Variants in PRKAR1B observed in about 807,000 individuals in gnomAD.
PRKAR1B encodes protein kinase cAMP-dependent type I regulatory subunit beta.
PRKAR1B carries 22 observed loss-of-function variants against 46.5 expected under a neutral mutation model. That is an observed-to-expected ratio of 0.47 (90% CI 0.34 to 0.68). The LOEUF (loss-of-function observed/expected upper bound fraction) is 0.68. Among genes scored for constraint, PRKAR1B ranks in the 30% least tolerant of loss-of-function variants. PRKAR1B has a pLI of 0.01. For missense variants in PRKAR1B, 445 were observed against 535.6 expected (o/e 0.83, Z 1.67); for synonymous variants, 259 against 217.7 (o/e 1.19, Z -1.67).
intron 7 of PRKAR1B, among the ~76,000 whole-genome samples, chr7:590,907 G>A (rs1049687043): frequency 2.6e-5 from 4 of 152,170 alleles, no homozygotes; most frequent in South Asian, 2.1e-4. Flanking sequence ...AAAGTGCCGC[G>A]TGTCTGCCCC....
At chr7:564,465 T>C (rs375787724) in intron 9 of PRKAR1B, among the ~76,000 whole-genome samples, 1 of 152,154 alleles carries the variant, frequency 6.6e-6, no homozygotes. Flanking sequence ...CAGGCAAGCC[T>C]GTGGCTCGGA....
At position 684,169 on chromosome 7, in the gene PRKAR1B, T is replaced by C. The variant is rs188366139; in HGVS notation, c.178-3443A>G. On this transcript the variant is annotated intron_variant, in intron 2 of 10. Transcript: ENST00000537384. ...CTGTGTACACCAATGCCCACCTCCA[T>C]GTGCTCCAATGCCCACCTCCACGTG... Among the ~76,000 whole-genome samples the C allele has an allele frequency of 5.6e-4, 85 of 151,762 alleles. No homozygotes were observed. The East Asian group carries it at 0.012, about 21-fold the overall frequency.
intron 4 of PRKAR1B, among the ~76,000 whole-genome samples, chr7:649,244 T>A (rs548091102): frequency 8.2e-4 from 125 of 152,376 alleles, no homozygotes; most frequent in Admixed American, 1.1e-3. Flanking sequence ...CGAATGAGTA[T>A]TTCTAGCCCA....
chr7:551,689 C>T (rs111502187), intron 9 of PRKAR1B, among the ~76,000 whole-genome samples: 156 of 148,794 alleles, frequency 1.0e-3, no homozygotes, highest in African/African-American at 3.8e-3. Flanking sequence ...ACCACCCAAA[C>T]CCCCATGTCC....
At position 662,592 on chromosome 7, in the gene PRKAR1B, T is replaced by C. The variant is rs535280949; in HGVS notation, c.440+14637A>G. 9.8e-5 allele frequency among the ~76,000 whole-genome samples: 9 copies of C among 91,640 alleles called. No homozygotes were observed. In the South Asian group the frequency reaches 3.4e-3, roughly 35 times the overall value. 60.1% of individuals were successfully genotyped at this position (91,640 alleles called of 152,430 possible). ...ATGCAATTACCTACTCTCCCCCCCA[T>C]AGCACAAGTCCCCACCCCAACAGAT... On this transcript the variant is annotated intron_variant, in intron 4 of 10. Transcript: ENST00000537384.
At chr7:678,411 G>C (rs1179988603) in intron 3 of PRKAR1B, among the ~76,000 whole-genome samples, 1 of 152,194 alleles carries the variant, frequency 6.6e-6, no homozygotes, top group Non-Finnish European at 1.5e-5. Flanking sequence ...GCAGTACACT[G>C]TTACTGGCTG....
At chr7:571,107 C>T (rs975924501) in intron 9 of PRKAR1B, among the ~76,000 whole-genome samples, 1 of 152,324 alleles carries the variant, frequency 6.6e-6, no homozygotes, top group Non-Finnish European at 1.5e-5. Flanking sequence ...CTCCAGAAGG[C>T]GGCCCCAAAA....
intron 2 of PRKAR1B, among the ~76,000 whole-genome samples, chr7:709,359 G>C (rs920603202): frequency 4.7e-5 from 7 of 148,568 alleles, no homozygotes; most frequent in Middle Eastern, 3.5e-3. Context: ...GCATGTGTGT[G>C]TGTATGTATT....
At chr7:697,898 AGAAGG>A (rs1173840559) in intron 2 of PRKAR1B, among the ~76,000 whole-genome samples, 9 of 107,340 alleles carry the variant, frequency 8.4e-5, no homozygotes, top group African/African-American at 1.7e-4. Flanking sequence ...AGAAGGGAAG[AGAAGG>A]GAAGGGAAGG....
At chr7:573,941 G>A (rs977397891) in intron 9 of PRKAR1B, among the ~76,000 whole-genome samples, 5 of 152,220 alleles carry the variant, frequency 3.3e-5, no homozygotes, top group African/African-American at 1.2e-4. Context: ...GTGCGGTTGG[G>A]TCACACGCGG....
At chr7:595,551 G>A (rs112722420) in intron 7 of PRKAR1B, among the ~76,000 whole-genome samples, 92 of 152,186 alleles carry the variant, frequency 6.0e-4, no homozygotes, top group African/African-American at 2.0e-3. Context: ...GGTCCTCCCC[G>A]GGCTCCCCAC....
intron 4 of PRKAR1B, among the ~76,000 whole-genome samples, chr7:632,300 GGGGC>G (rs1218328897): frequency 5.9e-5 from 9 of 152,154 alleles, no homozygotes; most frequent in African/African-American, 2.2e-4. Context: ...TCAACCTCAA[GGGGC>G]GTGGAGACCA....
intron 1 of PRKAR1B, among the ~76,000 whole-genome samples, chr7:715,604 T>G (rs1780844013): frequency 1.3e-5 from 2 of 152,276 alleles, no homozygotes; most frequent in South Asian, 4.2e-4. Flanking sequence ...GGTATTCACA[T>G]TTCTAAGCCC....
intron 2 of PRKAR1B, among the ~76,000 whole-genome samples, chr7:685,308 G>GTATATATACGTATA (rs1291918558): frequency 0.038 from 428 of 11,134 alleles, 2 homozygotes; most frequent in Admixed American, 0.053. Context: ...ATATATATAC[G>GTATATATACGTATA]TATATATACG....
At position 718,478 on chromosome 7, in the gene PRKAR1B, T is replaced by A. The variant is rs900108521; in HGVS notation, c.-22-6951A>T. On this transcript the variant is annotated intron_variant, in intron 1 of 10. Coordinates refer to ENST00000537384, the MANE Select transcript of PRKAR1B (RefSeq NM_001164760.2). ...TTCAAGCAATTCTCCTGCCTCAGCCTCCCAAGTAGCTGGGATTACAGGTGG... is the reference window on the plus strand; with the variant it reads ...TTCAAGCAATTCTCCTGCCTCAGCCACCCAAGTAGCTGGGATTACAGGTGG... Among the ~76,000 whole-genome samples the A allele has an allele frequency of 3.8e-4, 58 of 151,490 alleles. 1 individual carries two copies. Among genetic ancestry groups the A allele is most frequent in the African/African-American group, 1.3e-3 (55 of 41,296 alleles).
chr7:721,644 G>A (rs993520949), intron 1 of PRKAR1B, among the ~76,000 whole-genome samples: 11 of 119,478 alleles, frequency 9.2e-5, no homozygotes, highest in South Asian at 2.6e-4. Context: ...GCGAAATTCC[G>A]TCTCAAAAAA....
chr7:715,897 A>T (rs910962664), intron 1 of PRKAR1B, among the ~76,000 whole-genome samples: 1 of 151,754 alleles, frequency 6.6e-6, no homozygotes, highest in Admixed American at 6.6e-5. Context: ...TTGTATTTTT[A>T]GTAGAGATGG....
chr7:643,273 C>T (rs1355687819), intron 4 of PRKAR1B, among the ~76,000 whole-genome samples: 1 of 151,538 alleles, frequency 6.6e-6, no homozygotes, highest in Non-Finnish European at 1.5e-5. Flanking sequence ...GCAAGATTTA[C>T]TCACACCTTC....
chr7:660,620 C>A (rs138321247), intron 4 of PRKAR1B, among the ~76,000 whole-genome samples: 2 of 109,302 alleles, frequency 1.8e-5, no homozygotes, highest in Non-Finnish European at 3.7e-5. Context: ...TACTCTCCCC[C>A]CCATAGCACA....
Sources: allele counts gnomAD v4.1 joint callset (sites outside exome capture counted in the v4.1 genomes callset), GRCh38; gene constraint gnomAD v4.1.1; transcripts MANE v1.5; gene names NCBI Gene and HGNC (gene_info 2026-07-23, HGNC 2026-07-21).